The following RBFOX1 variants were observed in gnomAD, a reference collection of about 807,000 sequenced individuals.
RBFOX1 encodes the protein RNA binding fox-1 homolog 1.
In RBFOX1, 8 loss-of-function variants were observed where a neutral mutation model predicts 57.7. The ratio of observed to expected loss-of-function variants is 0.14; its 90% CI spans 0.08 to 0.25. RBFOX1 has a LOEUF of 0.25. Ranked by LOEUF, RBFOX1 falls within the 10% of genes least tolerant of loss-of-function variation. The pLI, the probability that RBFOX1 is intolerant of heterozygous loss-of-function variation, is 1.00. For missense variants in RBFOX1, 611 were observed against 548.5 expected, an observed-to-expected ratio of 1.11 and a Z score of -1.14; for synonymous variants, 326 against 222.4, an observed-to-expected ratio of 1.47 and a Z score of -4.15.
intron 2 of RBFOX1, among the ~76,000 whole-genome samples, chr16:6,602,991 G>T (rs1311814177): frequency 6.6e-6 from 1 of 152,096 alleles, no homozygotes; most frequent in East Asian, 1.9e-4. Flanking sequence ...AATCATCAGT[G>T]CACCCAAGGA....
intron 2 of RBFOX1, among the ~76,000 whole-genome samples, chr16:6,332,607 A>G (rs1236353162): frequency 6.6e-6 from 1 of 152,210 alleles, no homozygotes; most frequent in Non-Finnish European, 1.5e-5. Context: ...TTATATCTTC[A>G]TACACACACA....
intron 2 of RBFOX1, among the ~76,000 whole-genome samples, chr16:6,468,458 G>A (rs1045096995): frequency 2.6e-5 from 4 of 152,128 alleles, no homozygotes; most frequent in Non-Finnish European, 5.9e-5. Context: ...GCCATCTGTG[G>A]TGGGACATTT....
intron 1 of RBFOX1, among the ~76,000 whole-genome samples, chr16:5,369,150 T>G (rs960686525): frequency 1.3e-5 from 2 of 152,244 alleles, no homozygotes; most frequent in East Asian, 3.9e-4. Flanking sequence ...TACAAACATG[T>G]GCCACCATGC....
intron 2 of RBFOX1, among the ~76,000 whole-genome samples, chr16:5,492,020 C>T (rs2042850161): frequency 6.6e-6 from 1 of 152,158 alleles, no homozygotes; most frequent in Non-Finnish European, 1.5e-5. Flanking sequence ...AGAGTGTGGG[C>T]CCCAGACCAG....
chr16:6,418,913 G>A (rs551725515), intron 2 of RBFOX1, among the ~76,000 whole-genome samples: 1 of 152,264 alleles, frequency 6.6e-6, no homozygotes, highest in East Asian at 1.9e-4. Context: ...CTATGTGGAA[G>A]AACCGTTGTA....
chr16:7,507,929 G>T (rs937358808), intron 4 of RBFOX1, among the ~76,000 whole-genome samples: 1 of 151,668 alleles, frequency 6.6e-6, no homozygotes, highest in Non-Finnish European at 1.5e-5. Context: ...CCCATGTTCT[G>T]TTGCATCTAT....
intron 4 of RBFOX1, among the ~76,000 whole-genome samples, chr16:7,260,596 C>G (rs1402663188): frequency 6.6e-6 from 1 of 152,094 alleles, no homozygotes; most frequent in Non-Finnish European, 1.5e-5. Context: ...TGTAGAGACG[C>G]TATGTAGGTA....
At chr16:6,223,682 C>G (rs1375682052) in intron 1 of RBFOX1, among the ~76,000 whole-genome samples, 2 of 152,178 alleles carry the variant, frequency 1.3e-5, no homozygotes, top group African/African-American at 4.8e-5. Context: ...GTTTCCTTTG[C>G]TATGCAGAAG....
intron 2 of RBFOX1, among the ~76,000 whole-genome samples, chr16:6,431,957 CTTTCTT>C (rs1160047846): frequency 8.5e-6 from 1 of 117,366 alleles, no homozygotes; most frequent in Non-Finnish European, 1.9e-5. Context: ...TTCTTTCTTT[CTTTCTT>C]TTTCTTTTTT....
intron 3 of RBFOX1, among the ~76,000 whole-genome samples, chr16:5,716,885 A>C (rs2151521799): frequency 6.6e-6 from 1 of 152,306 alleles, no homozygotes; most frequent in South Asian, 2.1e-4. Context: ...AAAATGTCCA[A>C]GCCTGTCATC....
chr16:6,398,428 A>T (rs866113842), intron 2 of RBFOX1, among the ~76,000 whole-genome samples: 1 of 152,120 alleles, frequency 6.6e-6, no homozygotes, highest in South Asian at 2.1e-4. Context: ...CTCATCTGAG[A>T]CAAAGTAACT....
chr16:6,176,433 A>G (rs2097010220), intron 1 of RBFOX1, among the ~76,000 whole-genome samples: 1 of 150,212 alleles, frequency 6.7e-6, no homozygotes, highest in African/African-American at 2.5e-5. Context: ...TGCTGGGATT[A>G]CAGGCATGAG....
chr16:6,419,711 A>G (rs2093722481), intron 2 of RBFOX1, among the ~76,000 whole-genome samples: 2 of 152,120 alleles, frequency 1.3e-5, no homozygotes, highest in Non-Finnish European at 2.9e-5. Context: ...CATAGACTAT[A>G]TGACACATCC....
At chr16:6,112,330 C>G (rs183359343) in intron 1 of RBFOX1, among the ~76,000 whole-genome samples, 2 of 152,272 alleles carry the variant, frequency 1.3e-5, no homozygotes, top group East Asian at 1.9e-4. Flanking sequence ...TATGTGCATT[C>G]TAATAGAGAA....
chr16:7,367,959 G>C (rs962661497), intron 4 of RBFOX1, among the ~76,000 whole-genome samples: 5 of 151,828 alleles, frequency 3.3e-5, no homozygotes, highest in African/African-American at 9.7e-5. Context: ...AGGGTCACCA[G>C]TTTATAATCT....
chr16:6,954,934 C>T (rs989786843), intron 3 of RBFOX1, among the ~76,000 whole-genome samples: 1 of 151,910 alleles, frequency 6.6e-6, no homozygotes, highest in African/African-American at 2.4e-5. Flanking sequence ...TTTTAGGCAT[C>T]AAATTTAATA....
chr16:5,565,628 A>G (rs112552456), intron 2 of RBFOX1, among the ~76,000 whole-genome samples: 161 of 10,950 alleles, frequency 0.015, no homozygotes, highest in African/African-American at 0.071. Flanking sequence ...TCTGCCTTAC[A>G]TAAATAAATA....
At chr16:5,484,360 A>C (rs1251968584) in intron 2 of RBFOX1, among the ~76,000 whole-genome samples, 1 of 152,234 alleles carries the variant, frequency 6.6e-6, no homozygotes, top group African/African-American at 2.4e-5. Context: ...ACATCTTGGC[A>C]ACTGGCTTCT....
At chr16:6,340,765 A>C (rs576925847) in intron 2 of RBFOX1, among the ~76,000 whole-genome samples, 2 of 152,276 alleles carry the variant, frequency 1.3e-5, no homozygotes, top group South Asian at 2.1e-4. Flanking sequence ...TGTGGCTTAG[A>C]ATTCCTTACT....
Sources: allele counts gnomAD v4.1 joint callset (sites outside exome capture counted in the v4.1 genomes callset), GRCh38; gene constraint gnomAD v4.1.1; transcripts MANE v1.5; gene names NCBI Gene and HGNC (gene_info 2026-07-23, HGNC 2026-07-21).